Variants in MMP26 observed in about 807,000 individuals in gnomAD.
MMP26 encodes the protein matrix metallopeptidase 26.
Under a neutral mutation model 31.0 loss-of-function variants are expected in MMP26, and 33 were observed. The ratio of observed to expected loss-of-function variants is 1.06; its 90% confidence interval spans 0.81 to 1.42. The LOEUF (loss-of-function observed/expected upper bound fraction) is 1.42. Ranked by LOEUF, MMP26 falls within the 40% of genes most tolerant of loss-of-function variation. The pLI is 0.00. For synonymous variants in MMP26, 122 were observed against 114.9 expected (o/e 1.06, Z -0.40); for missense variants, 347 against 316.1 (o/e 1.10, Z -0.74).
At chr11:4,804,770 C>T (rs996493447) in intron 2 of MMP26, among the ~76,000 whole-genome samples, 1 of 146,644 alleles carries the variant, frequency 6.8e-6, no homozygotes, top group South Asian at 2.1e-4. Flanking sequence ...CATAGTGGAA[C>T]CCCTTTTCTA....
rs1244031417 is a variant in MMP26 at position 4,952,500 on chromosome 11, C to A, written c.-144-35568C>A. ...AAGGCAGATGGATATAGTTACGCAC[C>A]TTGAACACAGAAGCAGTTCTTGCCC... is the stretch of plus-strand genomic sequence containing the variant. On this transcript the variant is annotated intron_variant, in intron 2 of 7. Coordinates refer to ENST00000380390, the MANE Select transcript of MMP26 (RefSeq NM_021801.5). Among the ~76,000 whole-genome samples the A allele has an allele frequency of 1.6e-5, 2 of 125,630 alleles. 1 individual carries two copies. The highest frequency in any genetic ancestry group is 3.6e-5 in the Non-Finnish European group (2 of 55,364). 82.4% of individuals were successfully genotyped at this position (125,630 alleles called of 152,430 possible).
chr11:4,887,949 G>T (rs920948035), intron 2 of MMP26, among the ~76,000 whole-genome samples: 3 of 152,080 alleles, frequency 2.0e-5, no homozygotes, highest in African/African-American at 7.2e-5. Flanking sequence ...CCTTCCCCAT[G>T]AGGCTGTGGG....
At chr11:4,808,855 C>T (rs1474356209) in intron 2 of MMP26, among the ~76,000 whole-genome samples, 1 of 149,744 alleles carries the variant, frequency 6.7e-6, no homozygotes, top group African/African-American at 2.5e-5. Context: ...GCCTCCCTTT[C>T]TTCTCTCCAT....
chr11:4,804,805 AC>A lies in MMP26; in HGVS notation c.-145+37465del, dbSNP rs1376898670. ...ATTAAAAATACAAAAACAAAACAAA[AC>A]AAAAAAAAACCCCATTAGCCAGGCA... On this transcript the variant is annotated intron_variant, in intron 2 of 7. Transcript: ENST00000380390. 7.2e-4 allele frequency among the ~76,000 whole-genome samples: 101 copies of A among 139,596 alleles called. 1 individual carries two copies. The highest frequency in any genetic ancestry group is 1.6e-3 in the African/African-American group (58 of 36,328). 91.6% of individuals were successfully genotyped at this position (139,596 alleles called of 152,430 possible). A position where few individuals can be genotyped will look rare whatever the true frequency, so the allele number is the denominator to read the frequency against.
In MMP26 at chr11:4,773,806, C is replaced by T. The variant is rs142947375; in HGVS notation, c.-145+6465C>T. 6.5e-3 allele frequency among the ~76,000 whole-genome samples: 996 copies of T among 152,078 alleles called. 8 individuals are homozygous for T. Among genetic ancestry groups the T allele is most frequent in the Middle Eastern group, 0.017 (5 of 294 alleles). On this transcript the variant is annotated intron_variant, in intron 2 of 7. Coordinates refer to ENST00000380390, the MANE Select transcript of MMP26 (RefSeq NM_021801.5). ...CCTTTGCCCCCACCTCACCCCCTGA[C>T]GGGCCCCAGTGTGTGTTGTTCTCCT... is the stretch of plus-strand genomic sequence containing the variant.
chr11:4,986,444 C>T (rs934516880), intron 2 of MMP26, among the ~76,000 whole-genome samples: 2 of 150,092 alleles, frequency 1.3e-5, no homozygotes, highest in Middle Eastern at 3.2e-3. Flanking sequence ...ACCTCCCAGG[C>T]TCAAATGATC....
At chr11:4,705,990 T>C (rs10768186) in intron 1 of MMP26, among the ~76,000 whole-genome samples, 3 of 116,472 alleles carry the variant, frequency 2.6e-5, no homozygotes, top group African/African-American at 6.1e-5. Flanking sequence ...GTGGTGGTGG[T>C]GGGGGGAGCT....
intron 2 of MMP26, among the ~76,000 whole-genome samples, chr11:4,971,786 G>A (rs1393522441): frequency 6.6e-6 from 1 of 152,140 alleles, no homozygotes; most frequent in African/African-American, 2.4e-5. Flanking sequence ...TCCTCAGAAA[G>A]CCTCTACTCA....
intron 2 of MMP26, among the ~76,000 whole-genome samples, chr11:4,870,604 G>C (rs1446999621): frequency 6.6e-6 from 1 of 152,066 alleles, no homozygotes; most frequent in Non-Finnish European, 1.5e-5. Flanking sequence ...TCACTGAATA[G>C]TACCGTGGTG....
chr11:4,944,593 T>A (rs2595989), intron 2 of MMP26: 150,660 of 152,314 alleles, frequency 0.99, 74,538 homozygotes, highest in Middle Eastern at 1. Flanking sequence ...TCACCTGAGG[T>A]TAGAAGTGTA....
At chr11:4,956,378 T>C (rs2605306) in intron 2 of MMP26, among the ~76,000 whole-genome samples, 149,071 of 152,334 alleles carry the variant, frequency 0.98, 73,021 homozygotes, top group East Asian at 1. Context: ...TAAACATTTG[T>C]AGATACAGTA....
At chr11:4,749,306 A>C (rs1848418874) in intron 1 of MMP26, among the ~76,000 whole-genome samples, 1 of 152,084 alleles carries the variant, frequency 6.6e-6, no homozygotes, top group Admixed American at 6.6e-5. Flanking sequence ...AAATGGAAAA[A>C]TATCCCATAA....
At chr11:4,921,890 T>C (rs1285238095) in intron 2 of MMP26, among the ~76,000 whole-genome samples, 1 of 152,220 alleles carries the variant, frequency 6.6e-6, no homozygotes, top group Non-Finnish European at 1.5e-5. Flanking sequence ...AAGTGCAGTG[T>C]TGTTACATAG....
In MMP26 at chr11:4,989,644, T is replaced by G. The variant is rs764860032; in HGVS notation, c.100-4T>G. The stretch of plus-strand genomic sequence containing the variant: ...TAGTACTCATCCTTCTTGATCTGAT[T>G]CAGGGCTATTTCCATCAATTTTTCC... On this transcript the variant is annotated splice_region_variant and splice_polypyrimidine_tract_variant and intron_variant, in intron 3 of 7. Transcript: ENST00000380390. 2 of 1,609,178 alleles carry G rather than the reference T, an allele frequency of 1.2e-6. No individual in the cohort carries two copies. The highest frequency in any genetic ancestry group is 1.7e-6 in the Non-Finnish European group (2 of 1,178,708).
intron 2 of MMP26, among the ~76,000 whole-genome samples, chr11:4,927,596 ACTGTTTT>A: frequency 6.6e-6 from 1 of 152,002 alleles, no homozygotes; most frequent in Non-Finnish European, 1.5e-5. Context: ...ATGTGTTCTG[ACTGTTTT>A]CTATGTGCTT....
At chr11:4,907,095 TAAAA>T (rs3065178) in intron 2 of MMP26, among the ~76,000 whole-genome samples, 6 of 55,126 alleles carry the variant, frequency 1.1e-4, no homozygotes, top group Admixed American at 2.2e-4. Flanking sequence ...AAACTCCCTC[TAAAA>T]AAAAAAAAAA....
intron 2 of MMP26, among the ~76,000 whole-genome samples, chr11:4,838,863 A>G (rs1039582210): frequency 2.6e-5 from 4 of 152,180 alleles, no homozygotes; most frequent in African/African-American, 9.7e-5. Flanking sequence ...ATGAGTCCTT[A>G]TAATAACTTA....
At chr11:4,803,764 G>A in intron 2 of MMP26, 2 of 1,613,354 alleles carry the variant, frequency 1.2e-6, no homozygotes, top group Non-Finnish European at 1.7e-6. Flanking sequence ...CACAGAGAAG[G>A]CCACAAAGAG....
At chr11:4,896,229 C>T (rs1454249939) in intron 2 of MMP26, among the ~76,000 whole-genome samples, 1 of 152,084 alleles carries the variant, frequency 6.6e-6, no homozygotes, top group Non-Finnish European at 1.5e-5. Context: ...ATTTTACTTA[C>T]CATTTAATTA....
Sources: gnomAD v4.1 joint callset for allele counts (sites outside exome capture counted in the v4.1 genomes callset) on GRCh38, gnomAD v4.1.1 for gene constraint, MANE v1.5 for transcripts, NCBI Gene and HGNC (gene_info 2026-07-23, HGNC 2026-07-21) for gene names.